ZNF140: variants seen among roughly 807,000 people sequenced by gnomAD.
ZNF140 encodes the protein zinc finger protein 140.
ZNF140 carries 13 observed loss-of-function variants against 12.9 expected under a neutral mutation model. The ratio of observed to expected loss-of-function variants is 1.01; its 90% confidence interval spans 0.66 to 1.60. The LOEUF (loss-of-function observed/expected upper bound fraction) is 1.60, where lower values mean the gene tolerates loss of function less well. ZNF140 is among the 40% of genes most tolerant of loss of function. ZNF140 has a pLI of 0.00. For missense variants in ZNF140, 531 were observed against 548.8 expected, an observed-to-expected ratio of 0.97 and a Z score of 0.32; for synonymous variants, 214 against 186.7, an observed-to-expected ratio of 1.15 and a Z score of -1.19.
chr12:133,089,219 T>G (rs1374754566), intron 4 of ZNF140, among the ~76,000 whole-genome samples: 1 of 152,028 alleles, frequency 6.6e-6, no homozygotes, highest in African/African-American at 2.4e-5. Context: ...TCATTTGATT[T>G]TTTTTTTTTT....
At chr12:133,083,651 A>C in intron 4 of ZNF140, 90 bp downstream of exon 4, 1 of 1,300,432 alleles carries the variant, frequency 7.7e-7, no homozygotes, top group Non-Finnish European at 1.1e-6. Context: ...TTGATTGGAA[A>C]ATTTTCCCTT....
intron 4 of ZNF140, among the ~76,000 whole-genome samples, chr12:133,085,088 G>A (rs1013332700): frequency 2.1e-4 from 32 of 151,714 alleles, no homozygotes; most frequent in African/African-American, 6.5e-4. Flanking sequence ...GCGATGGCGC[G>A]ATCTCAGCTT....
chr12:133,094,758 T>G (rs1404605125), intron 4 of ZNF140, among the ~76,000 whole-genome samples: 4 of 151,142 alleles, frequency 2.6e-5, no homozygotes, highest in African/African-American at 9.8e-5. Context: ...CAAGCGTAGT[T>G]TCAGGCTCCC....
Position 133,083,460 on chromosome 12 carries a change from A to C in ZNF140, c.137-6A>C. On this transcript the variant is annotated splice_region_variant and splice_polypyrimidine_tract_variant and intron_variant, in intron 3 of 4. Coordinates refer to ENST00000355557, the MANE Select transcript of ZNF140 (RefSeq NM_003440.4). Reference sequence around the variant, plus strand: ...ATCTTGAATTTATTTCATTTTCTGCAAGCAGGTCTTTCCATTTCTAAGCCA... The same window carrying C: ...ATCTTGAATTTATTTCATTTTCTGCCAGCAGGTCTTTCCATTTCTAAGCCA... The C allele has an allele frequency of 6.2e-7, 1 of 1,608,228 alleles. No homozygotes were observed. Among genetic ancestry groups the C allele is most frequent in the Non-Finnish European group, 8.5e-7 (1 of 1,178,238 alleles).
At position 133,097,850 on chromosome 12, in the gene ZNF140, T is replaced by TG. The variant is rs1491441408; in HGVS notation, c.233-7660_233-7659insG. 4.7e-3 allele frequency among the ~76,000 whole-genome samples: 707 copies of TG among 150,322 alleles called. 6 individuals are homozygous for TG. The highest frequency in any genetic ancestry group is 0.016 in the African/African-American group (633 of 40,710). ...GTGTGTGTGTGTGTGTGTGTGTGTGTTTTTGAGATGAAGTCTTACTCTGTA... is the reference window on the plus strand; with the variant it reads ...GTGTGTGTGTGTGTGTGTGTGTGTGTGTTTTGAGATGAAGTCTTACTCTGTA... On this transcript the variant is annotated intron_variant, in intron 4 of 4. Transcript: ENST00000355557.
chr12:133,106,849 A>AT lies in ZNF140; in HGVS notation c.*205dup, dbSNP rs1192305501. 2.7e-5 allele frequency: 12 copies of AT among 446,758 alleles called. No individual in the cohort carries two copies. The highest frequency in any genetic ancestry group is 3.9e-5 in the Admixed American group (1 of 25,418). 27.7% of individuals were successfully genotyped at this position (446,758 alleles called of 1,614,324 possible). A position where few individuals can be genotyped will look rare whatever the true frequency, so the allele number is the denominator to read the frequency against. ...AAAAGCCATTAATAACCACTCTTTT[A>AT]TTTTTTTGCAATAACAAGGTGAAAT... On this transcript the variant is annotated 3_prime_UTR_variant, in exon 5 of 5. Coordinates refer to ENST00000355557, the MANE Select transcript of ZNF140 (RefSeq NM_003440.4).
intron 4 of ZNF140, among the ~76,000 whole-genome samples, chr12:133,096,197 G>A (rs1201948890): frequency 2.6e-5 from 4 of 151,922 alleles, no homozygotes; most frequent in Non-Finnish European, 5.9e-5. Context: ...CTGGTTTATT[G>A]AGACTAGAGA....
At chr12:133,104,655 G>A (rs1242417487) in intron 4 of ZNF140, among the ~76,000 whole-genome samples, 8 of 152,236 alleles carry the variant, frequency 5.3e-5, no homozygotes, top group African/African-American at 1.9e-4. Flanking sequence ...CCGGCCAAGA[G>A]TATGAATGTA....
chr12:133,095,936 T>G (rs1477577736), intron 4 of ZNF140, among the ~76,000 whole-genome samples: 3 of 151,626 alleles, frequency 2.0e-5, no homozygotes, highest in Non-Finnish European at 4.4e-5. Context: ...ACAATCGGGT[T>G]TTATACCGAG....
intron 4 of ZNF140, among the ~76,000 whole-genome samples, chr12:133,089,240 TCTCA>T (rs1954775986): frequency 6.6e-6 from 1 of 151,394 alleles, no homozygotes; most frequent in Non-Finnish European, 1.5e-5. Context: ...CGAGGCAGGG[TCTCA>T]CTCTGTTGTC....
intron 4 of ZNF140, among the ~76,000 whole-genome samples, chr12:133,088,125 C>CT (rs1954737276): frequency 6.8e-6 from 1 of 146,998 alleles, no homozygotes; most frequent in South Asian, 2.1e-4. Context: ...AAGACTCTGT[C>CT]TAAAAAAAAA....
At chr12:133,095,970 A>G (rs1012227251) in intron 4 of ZNF140, among the ~76,000 whole-genome samples, 37 of 151,324 alleles carry the variant, frequency 2.4e-4, no homozygotes, top group African/African-American at 8.2e-4. Flanking sequence ...AGGGGCAGGC[A>G]GGAGACAGTG....
At chr12:133,088,213 T>TA (rs1954743129) in intron 4 of ZNF140, among the ~76,000 whole-genome samples, 2 of 152,030 alleles carry the variant, frequency 1.3e-5, no homozygotes, top group South Asian at 4.1e-4. Context: ...TTCCTGCAAA[T>TA]ACCATTATTG....
At chr12:133,103,408 A>G (rs1465274854) in intron 4 of ZNF140, among the ~76,000 whole-genome samples, 1 of 150,606 alleles carries the variant, frequency 6.6e-6, no homozygotes, top group Non-Finnish European at 1.5e-5. Flanking sequence ...ACAGATGCAC[A>G]GTACCGTGCC....
In ZNF140 at chr12:133,106,188, T is replaced by C. The variant is rs750629798; in HGVS notation, c.911T>C (p.Ile304Thr). ...THTGEKPYEC[I>T]ECGKAFRRFS... ...ACTGGAGAGAAACCTTATGAATGCA[T>C]TGAATGTGGGAAGGCATTTCGCCGT... Residue 304 changes from isoleucine (I) to threonine (T), a missense_variant, in exon 5 of 5, where the codon ATT becomes ACT. Physicochemically the swap from Ile to Thr is moderately conservative, Grantham distance 89. Transcript: ENST00000355557. 80 of 1,614,078 alleles carry C rather than the reference T, an allele frequency of 5.0e-5. No homozygotes were observed. The East Asian group carries it at 1.2e-3, about 25-fold the overall frequency.
At position 133,104,108 on chromosome 12, in the gene ZNF140, G is replaced by A. The variant is rs942698396; in HGVS notation, c.233-1402G>A. The stretch of plus-strand genomic sequence containing the variant: ...TAACAGATAACATTTTTCCCAAAGT[G>A]CCAACGTATGTTTGACTGAAATGAC... On this transcript the variant is annotated intron_variant, in intron 4 of 4. Coordinates refer to ENST00000355557, the MANE Select transcript of ZNF140 (RefSeq NM_003440.4). Among the ~76,000 whole-genome samples, 5 of 152,246 alleles carry A rather than the reference G, an allele frequency of 3.3e-5. No individual in the cohort carries two copies. The East Asian group carries it at 5.8e-4, about 18-fold the overall frequency.
chr12:133,081,372 A>AT (rs1954490088), intron 2 of ZNF140, 43 bp downstream of exon 2: 40 of 108,510 alleles, frequency 3.7e-4, no homozygotes, highest in Middle Eastern at 3.2e-3. Context: ...TATATATATA[A>AT]ATTTTTATTT....
In ZNF140 at chr12:133,106,287, C is replaced by T; in HGVS notation, c.1010C>T (p.Ala337Val). 1.9e-6 allele frequency: 3 copies of T among 1,614,170 alleles called. No individual in the cohort carries two copies. The highest frequency in any genetic ancestry group is 2.5e-6 in the Non-Finnish European group (3 of 1,180,028). The change falls in exon 5 of 5, where the codon GCT becomes GTT. Residue 337 changes from alanine to valine, a missense_variant. Coordinates refer to ENST00000355557, the MANE Select transcript of ZNF140 (RefSeq NM_003440.4). ...TPYECNECRK[A>V]FRCHSFLIKH... ...TATGAATGTAATGAATGTAGGAAAG[C>T]TTTCCGTTGTCACTCATTCCTTATT...
chr12:133,105,548 A>G lies in ZNF140; in HGVS notation c.271A>G (p.Lys91Glu), dbSNP rs868658403. 1.1e-4 allele frequency: 175 copies of G among 1,610,370 alleles called. No individual in the cohort carries two copies. The African/African-American group carries it at 1.8e-3, about 16-fold the overall frequency. ...TGGTGAGATCAAAGACTTTTCACCAAAAAATGTCATTTATGATGACTCATC... is the reference window on the plus strand; with the variant it reads ...TGGTGAGATCAAAGACTTTTCACCAGAAAATGTCATTTATGATGACTCATC... The part of the protein sequence containing the change: ...SSGEIKDFSP[K>E]NVIYDDSSQY... The change falls in exon 5 of 5, where the codon AAA becomes GAA. Residue 91 changes from lysine (K) to glutamate (E), a missense_variant. Physicochemically the swap from Lys to Glu is moderately conservative, Grantham distance 56 (BLOSUM62 1). Coordinates refer to ENST00000355557, the MANE Select transcript of ZNF140 (RefSeq NM_003440.4).
Sources: gnomAD v4.1 joint callset for allele counts (sites outside exome capture counted in the v4.1 genomes callset) on GRCh38, gnomAD v4.1.1 for gene constraint, MANE v1.5 for transcripts, NCBI Gene and HGNC (gene_info 2026-07-23, HGNC 2026-07-21) for gene names.